The following DLGAP2 variants were observed in gnomAD, a reference collection of about 807,000 sequenced individuals.
DLGAP2 encodes disks large-associated protein 2.
In DLGAP2, 26 loss-of-function variants were observed where a neutral mutation model predicts 100.3. That is an observed-to-expected ratio of 0.26 (90% CI 0.19 to 0.36). The LOEUF (loss-of-function observed/expected upper bound fraction) is 0.36, where lower values mean the gene tolerates loss of function less well. Ranked by LOEUF, DLGAP2 falls within the 10% of genes least tolerant of loss-of-function variation. The pLI is 1.00. For missense variants in DLGAP2, 1,858 were observed against 1,453.2 expected, an observed-to-expected ratio of 1.28 and a Z score of -4.53; for synonymous variants, 886 against 630.1, an observed-to-expected ratio of 1.41 and a Z score of -6.08.
chr8:883,501 T>TC (rs1203407516), intron 1 of DLGAP2, among the ~76,000 whole-genome samples: 7 of 152,086 alleles, frequency 4.6e-5, no homozygotes, highest in Non-Finnish European at 7.4e-5. Context: ...TTCTTTTTTT[T>TC]CCCTTAATTT....
chr8:1,473,624 G>T (rs1351283635), intron 3 of DLGAP2, among the ~76,000 whole-genome samples: 2 of 152,168 alleles, frequency 1.3e-5, no homozygotes, highest in African/African-American at 4.8e-5. Flanking sequence ...CTTGAATACG[G>T]TGTAGGCTAT....
rs936355774 is a variant in DLGAP2 at position 1,298,285 on chromosome 8, C to G, written c.106+39402C>G. Among the ~76,000 whole-genome samples the G allele has an allele frequency of 2.0e-5, 3 of 152,174 alleles. No homozygotes were observed. In the South Asian group the frequency reaches 6.2e-4, roughly 32 times the overall value. On this transcript the variant is annotated intron_variant, in intron 3 of 14. Coordinates refer to ENST00000637795, the MANE Select transcript of DLGAP2 (RefSeq NM_001346810.2). ...GTAAAAGTCATATAATTGAAGTTAT[C>G]TAAACCCCCCATACACCAAATGCGT... is the stretch of plus-strand genomic sequence containing the variant.
chr8:1,249,341 C>A (rs1798986035), intron 2 of DLGAP2, among the ~76,000 whole-genome samples: 1 of 152,140 alleles, frequency 6.6e-6, no homozygotes. Flanking sequence ...CTCATTTGCC[C>A]ATGAGTGGAG....
chr8:1,091,438 A>G (rs1804178628), intron 2 of DLGAP2, among the ~76,000 whole-genome samples: 1 of 152,206 alleles, frequency 6.6e-6, no homozygotes, highest in Non-Finnish European at 1.5e-5. Context: ...ACTATTAAAA[A>G]CATCTACTTA....
At chr8:1,364,428 G>A (rs1434406607) in intron 3 of DLGAP2, among the ~76,000 whole-genome samples, 3 of 148,526 alleles carry the variant, frequency 2.0e-5, no homozygotes, top group African/African-American at 4.9e-5. Flanking sequence ...CCTCCACCCC[G>A]ACCTTCAGGA....
At chr8:772,400 G>A (rs556494029) in intron 1 of DLGAP2, among the ~76,000 whole-genome samples, 1 of 152,218 alleles carries the variant, frequency 6.6e-6, no homozygotes, top group South Asian at 2.1e-4. Flanking sequence ...TCTGCTCACT[G>A]CAAGCTCCGC....
chr8:805,600 C>T (rs1037509336), intron 1 of DLGAP2, among the ~76,000 whole-genome samples: 4 of 152,202 alleles, frequency 2.6e-5, no homozygotes, highest in South Asian at 2.1e-4. Context: ...TAAAAGTATC[C>T]GTCCTATAAT....
At chr8:1,524,103 AGAACTGAT>A (rs747156744) in intron 4 of DLGAP2, among the ~76,000 whole-genome samples, 15 of 152,210 alleles carry the variant, frequency 9.9e-5, no homozygotes, top group Non-Finnish European at 1.5e-4. Context: ...TCTGGACGGC[AGAACTGAT>A]CCCCAGACGG....
chr8:1,187,928 C>G (rs1797547304), intron 2 of DLGAP2, among the ~76,000 whole-genome samples: 1 of 127,086 alleles, frequency 7.9e-6, no homozygotes, highest in African/African-American at 4.4e-5. Context: ...CTCACGGAAT[C>G]TTGCACGCCC....
intron 2 of DLGAP2, among the ~76,000 whole-genome samples, chr8:972,497 A>G (rs1380796041): frequency 6.6e-6 from 1 of 152,256 alleles, no homozygotes; most frequent in Non-Finnish European, 1.5e-5. Flanking sequence ...GACAGAAATG[A>G]CAAATGCTTT....
At chr8:1,680,234 A>G (rs2130858188) in intron 12 of DLGAP2, among the ~76,000 whole-genome samples, 1 of 152,320 alleles carries the variant, frequency 6.6e-6, no homozygotes, top group South Asian at 2.1e-4. Flanking sequence ...ATCATTATAA[A>G]TGCTGAACTT....
At chr8:1,407,981 AC>A (rs1796619411) in intron 3 of DLGAP2, among the ~76,000 whole-genome samples, 1 of 152,224 alleles carries the variant, frequency 6.6e-6, no homozygotes, top group Non-Finnish European at 1.5e-5. Flanking sequence ...GCTGTCCTGC[AC>A]AGCACAGCAT....
At chr8:1,176,959 C>G (rs1055294161) in intron 2 of DLGAP2, among the ~76,000 whole-genome samples, 1 of 152,192 alleles carries the variant, frequency 6.6e-6, no homozygotes, top group African/African-American at 2.4e-5. Flanking sequence ...ACTGAGCAAG[C>G]AAGTCACGGT....
At chr8:819,696 A>G (rs979015068) in intron 1 of DLGAP2, among the ~76,000 whole-genome samples, 1 of 152,256 alleles carries the variant, frequency 6.6e-6, no homozygotes, top group Non-Finnish European at 1.5e-5. Flanking sequence ...CTCAGAAAGA[A>G]TAAGCCTCAC....
intron 2 of DLGAP2, among the ~76,000 whole-genome samples, chr8:973,314 G>A (rs1305972087): frequency 7.9e-5 from 12 of 151,800 alleles, no homozygotes; most frequent in East Asian, 2.0e-4. Context: ...CCACCTCCCA[G>A]ACAGGGCGGC....
chr8:1,196,218 A>G (rs1033360520), intron 2 of DLGAP2, among the ~76,000 whole-genome samples: 4 of 152,208 alleles, frequency 2.6e-5, no homozygotes, highest in Admixed American at 2.0e-4. Flanking sequence ...ATATCCTTCA[A>G]TTCTTTTAGA....
intron 3 of DLGAP2, among the ~76,000 whole-genome samples, chr8:1,314,184 T>C (rs1223080561): frequency 2.0e-5 from 3 of 152,230 alleles, no homozygotes; most frequent in African/African-American, 7.2e-5. Context: ...ACACGTTTAT[T>C]TGCTTTAGAT....
chr8:1,560,024 C>T lies in DLGAP2; in HGVS notation c.1231-5659C>T, dbSNP rs1802106755. Among the ~76,000 whole-genome samples the T allele has an allele frequency of 2.0e-5, 3 of 152,336 alleles. No homozygotes were observed. The South Asian group carries it at 6.2e-4, about 32-fold the overall frequency. ...ATGCTACCACTCATTTCATGTCCAT[C>T]TCCTGTACCGAATTGTAATGTCATT... On this transcript the variant is annotated intron_variant, in intron 5 of 14. Coordinates refer to ENST00000637795, the MANE Select transcript of DLGAP2 (RefSeq NM_001346810.2).
intron 3 of DLGAP2, among the ~76,000 whole-genome samples, chr8:1,420,357 G>T (rs139046547): frequency 6.6e-6 from 1 of 152,142 alleles, no homozygotes; most frequent in Non-Finnish European, 1.5e-5. Flanking sequence ...TCACAACAGT[G>T]TTCAGATAAA....
Sources: gnomAD v4.1 joint callset for allele counts (sites outside exome capture counted in the v4.1 genomes callset) on GRCh38, gnomAD v4.1.1 for gene constraint, MANE v1.5 for transcripts, NCBI Gene and HGNC (gene_info 2026-07-23, HGNC 2026-07-21) for gene names.